LRGUK: variants seen among roughly 807,000 people sequenced by gnomAD.
LRGUK encodes the protein leucine-rich repeat and guanylate kinase domain-containing protein.
In LRGUK, 65 loss-of-function variants were observed where a neutral mutation model predicts 76.0. That is an observed-to-expected ratio of 0.85 (90% CI 0.70 to 1.05). The LOEUF (loss-of-function observed/expected upper bound fraction) is 1.05. LRGUK is among the 50% of genes least tolerant of loss of function. The pLI is 0.00. For missense variants in LRGUK, 758 were observed against 732.8 expected (o/e 1.03, Z -0.40); for synonymous variants, 268 against 265.6 (o/e 1.01, Z -0.09).
downstream of LRGUK, among the ~76,000 whole-genome samples, chr7:134,268,579 T>C (rs1222377818): frequency 6.6e-6 from 1 of 152,074 alleles, no homozygotes; most frequent in African/African-American, 2.4e-5. Context: ...ACCAATTCTA[T>C]ACAATCTCTT....
At chr7:134,239,581 C>T (rs1047730857) in intron 16 of LRGUK, among the ~76,000 whole-genome samples, 1 of 152,222 alleles carries the variant, frequency 6.6e-6, no homozygotes, top group African/African-American at 2.4e-5. Context: ...CCCACCACAG[C>T]TCAAGGAGGC....
chr7:134,209,265 G>C, exon 16 of LRGUK: 1 of 399,156 alleles, frequency 2.5e-6, no homozygotes, highest in Non-Finnish European at 4.4e-6. Context: ...ACTCCCCTCA[G>C]CCCTCAGAGA....
At position 134,221,710 on chromosome 7, in the gene LRGUK, A is replaced by G. The variant is rs1457005734; in HGVS notation, c.1844-69A>G. 6.3e-6 allele frequency: 8 copies of G among 1,261,478 alleles called. No individual in the cohort carries two copies. In the East Asian group the frequency reaches 1.1e-4, roughly 17 times the overall value. The allele number at this position is 1,261,478 out of a possible 1,614,324, so 78.1% of individuals were successfully genotyped here. On this transcript the variant is annotated intron_variant, in intron 15 of 19. Coordinates refer to the LRGUK transcript ENST00000285928. Reference sequence around the variant, plus strand: ...TATGTTTGGGCAAATAAAAATATAAAACATTTCTATCACTTCAGAAATTTC... The same window carrying G: ...TATGTTTGGGCAAATAAAAATATAAGACATTTCTATCACTTCAGAAATTTC...
intron 11 of LRGUK, among the ~76,000 whole-genome samples, chr7:134,184,098 T>G (rs1313710255): frequency 6.6e-6 from 1 of 152,162 alleles, no homozygotes; most frequent in Non-Finnish European, 1.5e-5. Context: ...GTGTTAATCC[T>G]TGATGGTAAA....
At chr7:134,160,699 C>T (rs115735469) in intron 6 of LRGUK, among the ~76,000 whole-genome samples, 1 of 152,210 alleles carries the variant, frequency 6.6e-6, no homozygotes, top group Admixed American at 6.5e-5. Flanking sequence ...AATGACAATG[C>T]ATTCCAAACT....
chr7:134,214,512 A>G (rs1350912742), downstream of LRGUK, among the ~76,000 whole-genome samples: 2 of 152,180 alleles, frequency 1.3e-5, no homozygotes, highest in Non-Finnish European at 1.5e-5. Context: ...GATTTTAGAA[A>G]TAAGTTATGG....
At chr7:134,178,949 C>CAAAAAAAAAAAAAA (rs1799620836) in intron 10 of LRGUK, among the ~76,000 whole-genome samples, 1 of 84,142 alleles carries the variant, frequency 1.2e-5, no homozygotes, top group African/African-American at 4.8e-5. Flanking sequence ...AAAAAAAAAA[C>CAAAAAAAAAAAAAA]CAGGACCAAT....
intron 19 of LRGUK, among the ~76,000 whole-genome samples, chr7:134,263,623 CTTTTTTTTTT>C (rs59840547): frequency 8.8e-6 from 1 of 114,006 alleles, no homozygotes; most frequent in Non-Finnish European, 1.8e-5. Context: ...TCATTTCTTT[CTTTTTTTTTT>C]TTTTTTTTTT....
chr7:134,217,498 C>T (rs1026016357), intron 15 of LRGUK, among the ~76,000 whole-genome samples: 3 of 152,032 alleles, frequency 2.0e-5, no homozygotes, highest in African/African-American at 7.2e-5. Context: ...ACTGTATTTC[C>T]TTGGACTTAT....
chr7:134,140,522 A>G (rs1261714676), intron 3 of LRGUK, among the ~76,000 whole-genome samples: 7 of 152,148 alleles, frequency 4.6e-5, no homozygotes, highest in Non-Finnish European at 1.0e-4. Flanking sequence ...TCTTATTTGA[A>G]GTTGACAGTG....
chr7:134,227,364 G>C (rs1164925919), intron 16 of LRGUK, among the ~76,000 whole-genome samples: 1 of 152,140 alleles, frequency 6.6e-6, no homozygotes, highest in African/African-American at 2.4e-5. Flanking sequence ...GACTTCATAG[G>C]AGCCACAGTT....
At chr7:134,129,219 CCT>C (rs1320251691) in intron 1 of LRGUK, among the ~76,000 whole-genome samples, 22 of 134,112 alleles carry the variant, frequency 1.6e-4, no homozygotes, top group Non-Finnish European at 2.9e-4. Flanking sequence ...CCTGCCTCCC[CCT>C]CTCTCCCTTC....
chr7:134,143,252 G>A lies in LRGUK; in HGVS notation c.588+90G>A. 2 of 774,910 alleles carry A rather than the reference G, an allele frequency of 2.6e-6. 1 individual carries two copies. The allele number at this position is 774,910 out of a possible 1,614,324, so 48.0% of individuals were successfully genotyped here. A position where few individuals can be genotyped will look rare whatever the true frequency, so the allele number is the denominator to read the frequency against. ...ATAGCACTCAAATAGAGAATTCAGA[G>A]AGAATAAGATACAGAGGTAAGCAAT... is the stretch of plus-strand genomic sequence containing the variant. On this transcript the variant is annotated intron_variant, in intron 4 of 15. Coordinates refer to ENST00000645682, the Ensembl canonical transcript of LRGUK.
chr7:134,201,988 T>C (rs1800792615), intron 15 of LRGUK, among the ~76,000 whole-genome samples: 2 of 152,182 alleles, frequency 1.3e-5, no homozygotes, highest in Non-Finnish European at 2.9e-5. Flanking sequence ...CTCAAAATAC[T>C]GTGCTGCGGA....
chr7:134,239,268 A>G (rs1802079900), intron 16 of LRGUK, among the ~76,000 whole-genome samples: 1 of 152,238 alleles, frequency 6.6e-6, no homozygotes, highest in African/African-American at 2.4e-5. Flanking sequence ...TCACCCGGGA[A>G]GCGCAAGGAG....
At chr7:134,237,207 A>G (rs1298252529) in intron 16 of LRGUK, among the ~76,000 whole-genome samples, 1 of 151,944 alleles carries the variant, frequency 6.6e-6, no homozygotes, top group East Asian at 1.9e-4. Context: ...GGTGCCTGCC[A>G]CCATGCCCAG....
At chr7:134,134,311 G>A (rs929002847) in intron 1 of LRGUK, among the ~76,000 whole-genome samples, 1 of 152,206 alleles carries the variant, frequency 6.6e-6, no homozygotes, top group Non-Finnish European at 1.5e-5. Context: ...ACTAGGTCCA[G>A]GGCATGGCCG....
At chr7:134,197,157 GT>G in intron 13 of LRGUK, 52 bp downstream of exon 13, 1 of 1,050,090 alleles carries the variant, frequency 9.5e-7, no homozygotes, top group South Asian at 1.3e-5. Context: ...TGTGAGTGTG[GT>G]GTGTGTGTAT....
intron 14 of LRGUK, among the ~76,000 whole-genome samples, chr7:134,199,812 A>G (rs1800673632): frequency 6.6e-6 from 1 of 151,500 alleles, no homozygotes; most frequent in African/African-American, 2.4e-5. Context: ...AAAATATTAT[A>G]ACTTAAAAAT....
Sources: gnomAD v4.1 joint callset for allele counts (sites outside exome capture counted in the v4.1 genomes callset) on GRCh38, gnomAD v4.1.1 for gene constraint, MANE v1.5 for transcripts, NCBI Gene and HGNC (gene_info 2026-07-23, HGNC 2026-07-21) for gene names.